Variants in CDH13 observed in about 807,000 individuals in gnomAD.
CDH13 encodes the protein cadherin-13.
A neutral mutation model predicts 63.8 loss-of-function variants in CDH13; 24 were observed. The observed-to-expected ratio is 0.38, with a 90% CI of 0.27 to 0.53. The LOEUF is 0.53. Among genes scored for constraint, CDH13 ranks in the 20% least tolerant of loss-of-function variants. CDH13 has a pLI of 0.85. For missense variants in CDH13, 1,049 were observed against 903.1 expected (o/e 1.16, Z -2.07); for synonymous variants, 503 against 355.3 (o/e 1.42, Z -4.67).
At chr16:82,988,883 G>A (rs1239365634) in intron 2 of CDH13, among the ~76,000 whole-genome samples, 2 of 152,140 alleles carry the variant, frequency 1.3e-5, no homozygotes, top group Non-Finnish European at 2.9e-5. Context: ...GGCAAAGACA[G>A]AGAGGACATC....
At chr16:83,088,079 C>T (rs4552013) in intron 3 of CDH13, among the ~76,000 whole-genome samples, 116,839 of 151,580 alleles carry the variant, frequency 0.77, 45,506 homozygotes, top group African/African-American at 0.9. Flanking sequence ...ATGGCAAATA[C>T]TTAGAAATAT....
rs555774604 is a variant in CDH13 at position 83,667,232 on chromosome 16, T to A, written c.1102-3558T>A. 3.3e-5 allele frequency among the ~76,000 whole-genome samples: 5 copies of A among 152,282 alleles called. No homozygotes were observed. The South Asian group carries it at 8.3e-4, about 25-fold the overall frequency. ...TGAGAATTCCTAGCACATCAGCCCC[T>A]TTCCATTCTACTTGAATTCATTTGC... On this transcript the variant is annotated intron_variant, in intron 8 of 13. Transcript: ENST00000567109.
intron 6 of CDH13, among the ~76,000 whole-genome samples, chr16:83,461,736 G>A (rs2151525439): frequency 6.6e-6 from 1 of 152,302 alleles, no homozygotes; most frequent in Non-Finnish European, 1.5e-5. Context: ...TCAAAGCATG[G>A]TCAGAGGGTG....
intron 2 of CDH13, among the ~76,000 whole-genome samples, chr16:82,994,483 G>A (rs188599046): frequency 1.2e-3 from 184 of 152,304 alleles, no homozygotes; most frequent in African/African-American, 4.0e-3. Context: ...ACCATGGAGA[G>A]CGTAGCCTTT....
chr16:83,421,134 G>A (rs2151470597), intron 6 of CDH13, among the ~76,000 whole-genome samples: 1 of 152,232 alleles, frequency 6.6e-6, no homozygotes, highest in Admixed American at 6.5e-5. Flanking sequence ...GAACCTAGGA[G>A]GAACACTCAT....
intron 7 of CDH13, among the ~76,000 whole-genome samples, chr16:83,507,068 C>T (rs982578968): frequency 1.3e-5 from 2 of 152,222 alleles, no homozygotes; most frequent in Non-Finnish European, 2.9e-5. Context: ...TAGTCTGTTT[C>T]ACCAGCTAAA....
At chr16:82,756,565 G>C (rs76041111) in intron 1 of CDH13, among the ~76,000 whole-genome samples, 1 of 152,108 alleles carries the variant, frequency 6.6e-6, no homozygotes, top group African/African-American at 2.4e-5. Context: ...TAGAGATTAC[G>C]GGACAGTGGG....
chr16:82,873,605 C>G (rs149107511), intron 2 of CDH13, among the ~76,000 whole-genome samples: 2 of 152,180 alleles, frequency 1.3e-5, no homozygotes, highest in Non-Finnish European at 2.9e-5. Context: ...TTTTTCTCAT[C>G]TGTGAAATGG....
chr16:82,802,667 G>C (rs1283790788), intron 1 of CDH13, among the ~76,000 whole-genome samples: 1 of 152,142 alleles, frequency 6.6e-6, no homozygotes, highest in Non-Finnish European at 1.5e-5. Flanking sequence ...TGCATGTTAG[G>C]AAAGAGTACA....
chr16:82,711,339 G>C (rs534257625), intron 1 of CDH13, among the ~76,000 whole-genome samples: 6 of 152,204 alleles, frequency 3.9e-5, no homozygotes, highest in African/African-American at 1.4e-4. Flanking sequence ...CCCTCATCCC[G>C]TGGTTTTAAA....
intron 8 of CDH13, among the ~76,000 whole-genome samples, chr16:83,631,924 G>T (rs192300957): frequency 6.6e-6 from 1 of 152,178 alleles, no homozygotes; most frequent in Admixed American, 6.5e-5. Flanking sequence ...AAGAAGTCTC[G>T]TTCGCCAGCT....
chr16:83,659,610 G>A (rs1913254656), intron 8 of CDH13, among the ~76,000 whole-genome samples: 1 of 152,170 alleles, frequency 6.6e-6, no homozygotes, highest in Admixed American at 6.5e-5. Flanking sequence ...CTGAAAGCAG[G>A]ACCCCATATC....
chr16:83,299,272 T>G (rs929149721), intron 5 of CDH13, among the ~76,000 whole-genome samples: 1 of 142,592 alleles, frequency 7.0e-6, no homozygotes, highest in Non-Finnish European at 1.5e-5. Context: ...GATGCTTGCT[T>G]GGATTGTTTA....
intron 1 of CDH13, among the ~76,000 whole-genome samples, chr16:82,848,681 C>A (rs531307722): frequency 3.8e-4 from 58 of 152,036 alleles, no homozygotes; most frequent in Middle Eastern, 6.8e-3. Flanking sequence ...CTTTACTCAT[C>A]TGTCTCCTTC....
At chr16:83,114,271 C>G (rs924147789) in intron 3 of CDH13, among the ~76,000 whole-genome samples, 3 of 152,090 alleles carry the variant, frequency 2.0e-5, no homozygotes, top group African/African-American at 7.2e-5. Context: ...GTGTGACTTT[C>G]ATTACTGGAG....
intron 2 of CDH13, among the ~76,000 whole-genome samples, chr16:82,933,941 T>A (rs143120048): frequency 6.6e-6 from 1 of 152,340 alleles, no homozygotes; most frequent in African/African-American, 2.4e-5. Flanking sequence ...GCCCTCCTCC[T>A]GGCTGCTTTC....
At chr16:83,766,677 T>A (rs486796) in intron 11 of CDH13, among the ~76,000 whole-genome samples, 42,319 of 152,168 alleles carry the variant, frequency 0.28, 6,804 homozygotes, top group Admixed American at 0.44. Context: ...AAAGTTTGTG[T>A]TGAGATCCTA....
intron 3 of CDH13, among the ~76,000 whole-genome samples, chr16:83,116,849 C>G (rs906503264): frequency 6.6e-6 from 1 of 152,138 alleles, no homozygotes; most frequent in East Asian, 1.9e-4. Context: ...TCCAACTCTC[C>G]CTTTCCACAA....
intron 6 of CDH13, among the ~76,000 whole-genome samples, chr16:83,346,604 G>C (rs2090844999): frequency 6.6e-6 from 1 of 152,182 alleles, no homozygotes; most frequent in Non-Finnish European, 1.5e-5. Context: ...TGTATATTAT[G>C]TGTGTATATG....
Sources: allele counts gnomAD v4.1 joint callset (sites outside exome capture counted in the v4.1 genomes callset), GRCh38; gene constraint gnomAD v4.1.1; transcripts MANE v1.5; gene names NCBI Gene and HGNC (gene_info 2026-07-23, HGNC 2026-07-21).